The following UBE2E2 variants were observed in gnomAD, a reference collection of about 807,000 sequenced individuals.
UBE2E2 encodes the protein ubiquitin-conjugating enzyme E2 E2.
A neutral mutation model predicts 24.7 loss-of-function variants in UBE2E2; 6 were observed. The ratio of observed to expected loss-of-function variants is 0.24; its 90% CI spans 0.13 to 0.48. The LOEUF (loss-of-function observed/expected upper bound fraction) is 0.48, where lower values mean the gene tolerates loss of function less well. Among genes scored for constraint, UBE2E2 ranks in the 20% least tolerant of loss-of-function variants. UBE2E2 has a pLI of 0.99. For missense variants in UBE2E2, 169 were observed against 245.0 expected, an observed-to-expected ratio of 0.69 and a Z score of 2.07; for synonymous variants, 104 against 83.6, an observed-to-expected ratio of 1.24 and a Z score of -1.33.
chr3:23,294,721 T>C (rs915533689), intron 3 of UBE2E2, among the ~76,000 whole-genome samples: 6 of 147,886 alleles, frequency 4.1e-5, no homozygotes, highest in Non-Finnish European at 8.9e-5. Flanking sequence ...ATAAAATAAA[T>C]AATATATTTT....
At chr3:23,352,290 C>T (rs1241801093) in intron 3 of UBE2E2, among the ~76,000 whole-genome samples, 6 of 151,466 alleles carry the variant, frequency 4.0e-5, no homozygotes, top group Non-Finnish European at 7.4e-5. Context: ...AGGAAAGATC[C>T]AAAATTGACA....
intron 5 of UBE2E2, among the ~76,000 whole-genome samples, chr3:23,572,010 T>A (rs1029197601): frequency 2.6e-5 from 4 of 152,224 alleles, no homozygotes; most frequent in African/African-American, 9.6e-5. Context: ...GAGATATTAA[T>A]GTCTCCTTGG....
At chr3:23,388,920 T>G (rs1696870589) in intron 3 of UBE2E2, among the ~76,000 whole-genome samples, 1 of 149,524 alleles carries the variant, frequency 6.7e-6, no homozygotes, top group Non-Finnish European at 1.5e-5. Context: ...GAGAATCACT[T>G]GAACCTGGGA....
intron 4 of UBE2E2, among the ~76,000 whole-genome samples, chr3:23,516,574 A>G (rs1242944500): frequency 1.3e-5 from 2 of 152,300 alleles, no homozygotes; most frequent in East Asian, 3.9e-4. Flanking sequence ...TTCCTGCAGT[A>G]TAATATCAAA....
chr3:23,535,200 G>A (rs1192123712), intron 5 of UBE2E2, among the ~76,000 whole-genome samples: 7 of 152,168 alleles, frequency 4.6e-5, no homozygotes, highest in Non-Finnish European at 1.0e-4. Flanking sequence ...ATTAGTACCA[G>A]CCCTGCCTAA....
At chr3:23,272,607 A>C (rs1003438327) in intron 3 of UBE2E2, among the ~76,000 whole-genome samples, 1 of 152,176 alleles carries the variant, frequency 6.6e-6, no homozygotes, top group Non-Finnish European at 1.5e-5. Context: ...TTGCAATGGG[A>C]GTATGGGATG....
intron 3 of UBE2E2, among the ~76,000 whole-genome samples, chr3:23,253,331 A>G (rs1697630422): frequency 6.6e-6 from 1 of 152,242 alleles, no homozygotes; most frequent in African/African-American, 2.4e-5. Flanking sequence ...CAAACCAGTA[A>G]AAATACCCAT....
intron 3 of UBE2E2, among the ~76,000 whole-genome samples, chr3:23,497,302 A>G (rs947560720): frequency 2.0e-5 from 3 of 152,210 alleles, no homozygotes; most frequent in African/African-American, 7.2e-5. Context: ...CACAAACACA[A>G]TGAAAAATAT....
At chr3:23,261,174 ATTT>A (rs373005556) in intron 3 of UBE2E2, among the ~76,000 whole-genome samples, 1 of 146,384 alleles carries the variant, frequency 6.8e-6, no homozygotes, top group Admixed American at 6.8e-5. Context: ...CTGTGGTAGA[ATTT>A]TTTTTTTTTT....
chr3:23,432,552 G>C (rs1482894914), intron 3 of UBE2E2, among the ~76,000 whole-genome samples: 1 of 151,880 alleles, frequency 6.6e-6, no homozygotes, highest in Admixed American at 6.6e-5. Flanking sequence ...ATAAATTCCT[G>C]CTGTCAGTCT....
chr3:23,517,380 A>G (rs950609747), intron 4 of UBE2E2, among the ~76,000 whole-genome samples: 1 of 152,206 alleles, frequency 6.6e-6, no homozygotes, highest in East Asian at 1.9e-4. Flanking sequence ...ATTTCCCTAC[A>G]TAAGCTTTAC....
chr3:23,542,945 G>A (rs769379098), intron 5 of UBE2E2, among the ~76,000 whole-genome samples: 4 of 152,144 alleles, frequency 2.6e-5, no homozygotes, highest in Non-Finnish European at 2.9e-5. Context: ...ATGTCGACAT[G>A]GATTAGCTGT....
At chr3:23,414,455 T>C (rs1697575809) in intron 3 of UBE2E2, among the ~76,000 whole-genome samples, 1 of 152,240 alleles carries the variant, frequency 6.6e-6, no homozygotes, top group Non-Finnish European at 1.5e-5. Context: ...AAACCGTTCA[T>C]GAAGGATCCA....
At chr3:23,402,326 A>T (rs1399051562) in intron 3 of UBE2E2, among the ~76,000 whole-genome samples, 35 of 152,228 alleles carry the variant, frequency 2.3e-4, no homozygotes, top group Admixed American at 2.3e-3. Flanking sequence ...AAGTGATCTT[A>T]CGTGATAGTC....
At chr3:23,390,125 A>G (rs1696899365) in intron 3 of UBE2E2, among the ~76,000 whole-genome samples, 1 of 152,138 alleles carries the variant, frequency 6.6e-6, no homozygotes, top group Non-Finnish European at 1.5e-5. Context: ...ATTGATGTGG[A>G]TAAGAGGAAG....
At chr3:23,265,600 C>T (rs1698026932) in intron 3 of UBE2E2, among the ~76,000 whole-genome samples, 1 of 152,164 alleles carries the variant, frequency 6.6e-6, no homozygotes, top group Non-Finnish European at 1.5e-5. Flanking sequence ...AGGCTCACTG[C>T]CTCAGAGGTT....
intron 3 of UBE2E2, among the ~76,000 whole-genome samples, chr3:23,469,350 A>G (rs900857339): frequency 6.6e-6 from 1 of 152,202 alleles, no homozygotes; most frequent in Non-Finnish European, 1.5e-5. Context: ...AAGAATGGAT[A>G]TTGTTCTTTT....
intron 3 of UBE2E2, among the ~76,000 whole-genome samples, chr3:23,403,631 G>T (rs1339923747): frequency 1.3e-5 from 2 of 152,110 alleles, no homozygotes; most frequent in Non-Finnish European, 2.9e-5. Flanking sequence ...GACCAGCCTG[G>T]TCAACATGGT....
At position 23,590,023 on chromosome 3, in the gene UBE2E2, C is replaced by CTTTTATCTCTCA; in HGVS notation, c.*199_*210dup. 1 of 506,594 alleles carries CTTTTATCTCTCA rather than the reference C, an allele frequency of 2.0e-6. No individual in the cohort carries two copies. The highest frequency in any genetic ancestry group is 5.2e-4 in the Middle Eastern group (1 of 1,936). The allele number at this position is 506,594 out of a possible 1,614,324, so 31.4% of individuals were successfully genotyped here. ...CCCCCCTTCCTCTCTCCCACGCTCT[C>CTTTTATCTCTCA]TTTTATCTCTCATTTTATTCCCTTG... On this transcript the variant is annotated 3_prime_UTR_variant, in exon 6 of 6. Coordinates refer to ENST00000396703, the MANE Select transcript of UBE2E2 (RefSeq NM_152653.4).
Sources: gnomAD v4.1 joint callset for allele counts (sites outside exome capture counted in the v4.1 genomes callset) on GRCh38, gnomAD v4.1.1 for gene constraint, MANE v1.5 for transcripts, NCBI Gene and HGNC (gene_info 2026-07-23, HGNC 2026-07-21) for gene names.